Variants in ADPRS observed in about 807,000 individuals in gnomAD.
The protein encoded by ADPRS is ADP-ribosylserine hydrolase, also known as ADP-ribosylhydrolase ARH3.
A neutral mutation model predicts 32.1 loss-of-function variants in ADPRS; 25 were observed. The observed-to-expected ratio is 0.78, with a 90% CI of 0.57 to 1.09. ADPRS has a LOEUF of 1.09. ADPRS is among the 50% of genes least tolerant of loss of function. The pLI, the probability that ADPRS is intolerant of heterozygous loss-of-function variation, is 0.00. For missense variants in ADPRS, 482 were observed against 480.6 expected, an observed-to-expected ratio of 1.00 and a Z score of -0.03; for synonymous variants, 225 against 201.0, an observed-to-expected ratio of 1.12 and a Z score of -1.01.
In ADPRS at chr1:36,093,566, T is replaced by G; in HGVS notation, c.*180T>G. On this transcript the variant is annotated 3_prime_UTR_variant, in exon 6 of 6. Transcript: ENST00000373178. ...GTCACTGGAACAGCGAGCAAGGGAC[T>G]GGTGCCTCGCTGGTGCTGGGTCTCT... 1 of 763,412 alleles carries G rather than the reference T, an allele frequency of 1.3e-6. No individual in the cohort carries two copies. Among genetic ancestry groups the G allele is most frequent in the Non-Finnish European group, 2.0e-6 (1 of 487,810 alleles). 47.3% of individuals were successfully genotyped at this position (763,412 alleles called of 1,614,324 possible).
chr1:36,092,608 C>T, intron 5 of ADPRS, 86 bp downstream of exon 5: 1 of 1,263,372 alleles, frequency 7.9e-7, no homozygotes, highest in Non-Finnish European at 1.1e-6. Flanking sequence ...GTCATGCCTG[C>T]CGTCGCATTG....
At chr1:36,092,980 T>C in intron 5 of ADPRS, 117 bp from the exon 6 acceptor site, 1 of 1,117,750 alleles carries the variant, frequency 8.9e-7, no homozygotes, top group South Asian at 1.5e-5. Context: ...CCAGGTGGTC[T>C]AACTGTAGAG....
Position 36,091,695 on chromosome 1 carries a change from A to G in ADPRS, c.386A>G (p.Asn129Ser), listed in dbSNP as rs1643486074. ...GTCACTGTCTTCAAGAAGCTCCTGA[A>G]CCCCAAATGTCGCGATGTCTTTGAG... ...GVVTVFKKLL[N>S]PKCRDVFEPA... Residue 129 changes from asparagine (N) to serine (S), a missense_variant, in exon 3 of 6, where the codon AAC (asparagine) becomes AGC (serine). Physicochemically the swap from Asn to Ser is conservative, Grantham distance 46. Transcript: ENST00000373178. 5.0e-6 allele frequency: 8 copies of G among 1,613,836 alleles called. No homozygotes were observed. The highest frequency in any genetic ancestry group is 6.8e-6 in the Non-Finnish European group (8 of 1,179,928).
Position 36,089,090 on chromosome 1 carries a change from C to G in ADPRS, c.186C>G (p.Pro62=). 7.0e-7 allele frequency: 1 copy of G among 1,429,976 alleles called. No homozygotes were observed. Among genetic ancestry groups the G allele is most frequent in the Admixed American group, 3.2e-5 (1 of 31,532 alleles). The allele number at this position is 1,429,976 out of a possible 1,614,324, so 88.6% of individuals were successfully genotyped here. A position where few individuals can be genotyped will look rare whatever the true frequency, so the allele number is the denominator to read the frequency against. ...ATGTCCAGAGTCTGGAGCCGGACCC[C>G]GGCACGCCCGGGAGTGAGCGGACAG... is the stretch of plus-strand genomic sequence containing the variant. ...LRHVQSLEPD[P]GTPGSERTEA... The change falls in exon 1 of 6, where the codon CCC becomes CCG. Residue 62 remains proline, a synonymous_variant. Transcript: ENST00000373178.
In ADPRS at chr1:36,088,938, G is replaced by A. The variant is rs1643438151; in HGVS notation, c.34G>A (p.Gly12Arg). 6.6e-7 allele frequency: 1 copy of A among 1,524,146 alleles called. No individual in the cohort carries two copies. The highest frequency in any genetic ancestry group is 8.8e-7 in the Non-Finnish European group (1 of 1,140,788). The allele number at this position is 1,524,146 out of a possible 1,614,324, so 94.4% of individuals were successfully genotyped here. A position where few individuals can be genotyped will look rare whatever the true frequency, so the allele number is the denominator to read the frequency against. Residue 12 changes from glycine (G) to arginine (R), a missense_variant, in exon 1 of 6, where the codon GGA (glycine) becomes AGA (arginine). Gly to Arg is a moderately radical substitution (Grantham distance 125). Transcript: ENST00000373178. ...AAAAMAAAAGGGAGAARSLSR... is the reference protein window; with the variant it reads ...AAAAMAAAAGRGAGAARSLSR... ...AGCGGCGATGGCGGCAGCGGCAGGT[G>A]GAGGGGCTGGCGCGGCCCGCTCCCT...
rs1643516285 is a variant in ADPRS at position 36,093,564 on chromosome 1, ACTGGTGCCTCG to A, written c.*186_*196del. 1.3e-6 allele frequency: 1 copy of A among 776,516 alleles called. No individual in the cohort carries two copies. The highest frequency in any genetic ancestry group is 1.8e-5 in the African/African-American group (1 of 57,092). The allele number at this position is 776,516 out of a possible 1,614,324, so 48.1% of individuals were successfully genotyped here. On this transcript the variant is annotated 3_prime_UTR_variant, in exon 6 of 6. Transcript: ENST00000373178. ...AGGTCACTGGAACAGCGAGCAAGGGACTGGTGCCTCGCTGGTGCTGGGTCTCTGGTTTGCTG... is the reference window on the plus strand; with the variant it reads ...AGGTCACTGGAACAGCGAGCAAGGGACTGGTGCTGGGTCTCTGGTTTGCTG...
Position 36,091,548 on chromosome 1 carries a change from C to T in ADPRS, c.309-70C>T, listed in dbSNP as rs184416537. 2.6e-4 allele frequency: 375 copies of T among 1,443,258 alleles called. 1 individual carries two copies. In the African/African-American group the frequency reaches 3.8e-3, roughly 15 times the overall value. The allele number at this position is 1,443,258 out of a possible 1,614,324, so 89.4% of individuals were successfully genotyped here. On this transcript the variant is annotated intron_variant, in intron 2 of 5. Coordinates refer to ENST00000373178, the MANE Select transcript of ADPRS (RefSeq NM_017825.3). ...GCTTTCTCTTTTTCCAAACTAGCCT[C>T]GATTTCTTCTCTCCCAACCCTTAGA...
At chr1:36,093,051 G>C in intron 5 of ADPRS, 46 bp from the exon 6 acceptor site, 1 of 1,582,508 alleles carries the variant, frequency 6.3e-7, no homozygotes, top group South Asian at 1.2e-5. Context: ...CAAATGGTAG[G>C]AGGCCTGGGG....
In ADPRS at chr1:36,089,050, C is replaced by G. The variant is rs755967272; in HGVS notation, c.146C>G (p.Thr49Arg). Residue 49 changes from threonine (T) to arginine (R), a missense_variant, in exon 1 of 6, where the codon ACG becomes AGG. Thr to Arg is a moderately conservative substitution (Grantham distance 71). Coordinates refer to ENST00000373178, the MANE Select transcript of ADPRS (RefSeq NM_017825.3). ...GAGGCCCACGACACCGTCGACCTGA[C>G]GTCAGTCCTGCGTCATGTCCAGAGT... ...FYEAHDTVDLTSVLRHVQSLE... is the reference protein window; with the variant it reads ...FYEAHDTVDLRSVLRHVQSLE... The G allele has an allele frequency of 1.5e-5, 22 of 1,475,330 alleles. No individual in the cohort carries two copies. The highest frequency in any genetic ancestry group is 7.8e-5 in the Admixed American group (3 of 38,396). 91.4% of individuals were successfully genotyped at this position (1,475,330 alleles called of 1,614,324 possible).
At chr1:36,092,979 C>A in intron 5 of ADPRS, 118 bp from the exon 6 acceptor site, 1 of 1,103,338 alleles carries the variant, frequency 9.1e-7, no homozygotes, top group South Asian at 1.5e-5. Context: ...CCCAGGTGGT[C>A]TAACTGTAGA....
At chr1:36,092,222 C>A (rs1401227217) in intron 4 of ADPRS, 128 bp downstream of exon 4, 23 of 1,332,912 alleles carry the variant, frequency 1.7e-5, no homozygotes, top group Non-Finnish European at 2.3e-5. Context: ...GCCCCTTTAT[C>A]TTGTCTATGT....
intron 4 of ADPRS, 128 bp from the exon 5 acceptor site, chr1:36,092,294 C>G: frequency 3.4e-6 from 4 of 1,164,406 alleles, no homozygotes; most frequent in Non-Finnish European, 4.9e-6. Flanking sequence ...TCTCCCACCT[C>G]TTGTCGGCAC....
In ADPRS at chr1:36,091,792, C is replaced by A. The variant is rs11538708; in HGVS notation, c.483C>A (p.Ser161=). The A allele has an allele frequency of 7.3e-4, 1,177 of 1,610,650 alleles. No individual in the cohort carries two copies. Among genetic ancestry groups the A allele is most frequent in the Non-Finnish European group, 9.5e-4 (1,121 of 1,177,782 alleles). The change falls in exon 3 of 6, where the codon TCC becomes TCA. Residue 161 remains serine, a synonymous_variant. Transcript: ENST00000373178. The part of the protein sequence containing the change: ...NGGAMRVAGI[S]LAYSSVQDVQ... ...GTGCCATGCGGGTGGCTGGCATCTC[C>A]CTGGCCTATAGCAGTGTCCAGGATG... is the stretch of plus-strand genomic sequence containing the variant.
intron 1 of ADPRS, 109 bp downstream of exon 1, chr1:36,089,224 G>A: frequency 4.0e-6 from 5 of 1,256,696 alleles, no homozygotes; most frequent in South Asian, 1.9e-5. Flanking sequence ...GCTGCCGAGG[G>A]CACCGGGGCC....
chr1:36,089,057 C>T lies in ADPRS; in HGVS notation c.153C>T (p.Val51=), dbSNP rs763988269. 2.0e-6 allele frequency: 3 copies of T among 1,471,790 alleles called. No individual in the cohort carries two copies. The highest frequency in any genetic ancestry group is 1.5e-5 in the African/African-American group (1 of 67,684). The allele number at this position is 1,471,790 out of a possible 1,614,324, so 91.2% of individuals were successfully genotyped here. Residue 51 remains valine, a synonymous_variant, in exon 1 of 6, where the codon GTC becomes GTT. Coordinates refer to ENST00000373178, the MANE Select transcript of ADPRS (RefSeq NM_017825.3). ...ACGACACCGTCGACCTGACGTCAGT[C>T]CTGCGTCATGTCCAGAGTCTGGAGC... is the stretch of plus-strand genomic sequence containing the variant. The part of the protein sequence containing the change: ...EAHDTVDLTS[V]LRHVQSLEPD...
Position 36,092,513 on chromosome 1 carries a change from T to C in ADPRS, c.793T>C (p.Ser265Pro), listed in dbSNP as rs1398770113. The C allele has an allele frequency of 6.2e-7, 1 of 1,614,124 alleles. No homozygotes were observed. The highest frequency in any genetic ancestry group is 1.1e-5 in the South Asian group (1 of 91,084). ...QASVTREEVV[S>P]ELGNGIAAFE... ...ATCGGTGACCAGGGAGGAAGTGGTG[T>C]CTGAGCTAGGTGAGTGGGTCTGCCT... The change falls in exon 5 of 6, where the codon TCT (serine) becomes CCT (proline). Residue 265 changes from serine to proline, a missense_variant. By Grantham distance (74) the Ser-to-Pro change is moderately conservative. Coordinates refer to ENST00000373178, the MANE Select transcript of ADPRS (RefSeq NM_017825.3).
intron 5 of ADPRS, 118 bp downstream of exon 5, chr1:36,092,640 G>T (rs191262557): frequency 1.1e-6 from 1 of 888,042 alleles, no homozygotes; most frequent in Non-Finnish European, 1.8e-6. Context: ...GCTGTGACAC[G>T]GAGTCAATGG....
At position 36,091,883 on chromosome 1, in the gene ADPRS, T is replaced by G. The variant is rs763571442; in HGVS notation, c.517-27T>G. The G allele has an allele frequency of 6.9e-6, 11 of 1,591,000 alleles. No homozygotes were observed. In the Admixed American group the frequency reaches 1.9e-4, roughly 27 times the overall value. ...CCTTCCTCTTCTGCAGCAGGGCTTC[T>G]GTGACAGCAGGTCTCCTCCTCCCTA... On this transcript the variant is annotated intron_variant, in intron 3 of 5. Transcript: ENST00000373178.
At chr1:36,092,617 T>C in intron 5 of ADPRS, 95 bp downstream of exon 5, 2 of 1,171,998 alleles carry the variant, frequency 1.7e-6, no homozygotes, top group Non-Finnish European at 2.5e-6. Context: ...GCCGTCGCAT[T>C]GTACCCTGGG....
Sources: allele counts gnomAD v4.1 joint callset, GRCh38; gene constraint gnomAD v4.1.1; transcripts MANE v1.5; gene names NCBI Gene and HGNC (gene_info 2026-07-23, HGNC 2026-07-21).